GPC6: variants seen among roughly 807,000 people sequenced by gnomAD.
The protein encoded by GPC6 is glypican 6.
GPC6 carries 14 observed loss-of-function variants against 55.2 expected under a neutral mutation model. The ratio of observed to expected loss-of-function variants is 0.25; its 90% CI spans 0.17 to 0.40. The LOEUF is 0.40. Ranked by LOEUF, GPC6 falls within the 10% of genes least tolerant of loss-of-function variation. The pLI is 1.00. For missense variants in GPC6, 641 were observed against 708.5 expected (o/e 0.90, Z 1.08); for synonymous variants, 278 against 259.6 (o/e 1.07, Z -0.68).
intron 4 of GPC6, among the ~76,000 whole-genome samples, chr13:94,095,406 T>C (rs1441533283): frequency 2.6e-5 from 4 of 152,174 alleles, no homozygotes; most frequent in Admixed American, 1.3e-4. Context: ...CATTAAGAAA[T>C]GTAAAAGAAG....
At chr13:93,561,404 G>GAGATATATATATAT (rs968221822) in intron 2 of GPC6, among the ~76,000 whole-genome samples, 3 of 104,666 alleles carry the variant, frequency 2.9e-5, no homozygotes, top group African/African-American at 1.2e-4. Flanking sequence ...TATCCCTATC[G>GAGATATATATATAT]ATATATATAT....
intron 1 of GPC6, among the ~76,000 whole-genome samples, chr13:93,461,698 T>C (rs1459576164): frequency 6.6e-6 from 1 of 152,120 alleles, no homozygotes; most frequent in African/African-American, 2.4e-5. Context: ...TGATTTGCTC[T>C]AAGTCACACT....
intron 2 of GPC6, among the ~76,000 whole-genome samples, chr13:93,759,045 TTTA>T (rs1479262663): frequency 6.6e-6 from 1 of 152,134 alleles, no homozygotes; most frequent in Non-Finnish European, 1.5e-5. Context: ...CTCCTCTGAA[TTTA>T]ACAGGCCCCC....
chr13:94,141,657 T>C (rs916254410), intron 4 of GPC6, among the ~76,000 whole-genome samples: 2 of 152,198 alleles, frequency 1.3e-5, no homozygotes, highest in Non-Finnish European at 2.9e-5. Flanking sequence ...AGTTTACAAA[T>C]ATCTAGTTAA....
At chr13:93,325,428 G>A (rs1009652713) in intron 1 of GPC6, among the ~76,000 whole-genome samples, 55 of 152,150 alleles carry the variant, frequency 3.6e-4, no homozygotes, top group African/African-American at 1.3e-3. Context: ...AATTCAGATG[G>A]TAGCAATGGG....
At chr13:94,213,008 T>A (rs1890124423) in intron 4 of GPC6, among the ~76,000 whole-genome samples, 1 of 151,968 alleles carries the variant, frequency 6.6e-6, no homozygotes, top group South Asian at 2.1e-4. Context: ...ATACAAAAAT[T>A]AGCCGAGCGT....
chr13:94,372,080 CCTTT>C (rs975635606), intron 6 of GPC6, among the ~76,000 whole-genome samples: 3 of 152,094 alleles, frequency 2.0e-5, no homozygotes, highest in Non-Finnish European at 2.9e-5. Flanking sequence ...CTCCTTCCTT[CCTTT>C]CTCTTTTTTC....
chr13:94,081,725 A>G (rs1413083718), intron 4 of GPC6, among the ~76,000 whole-genome samples: 1 of 152,116 alleles, frequency 6.6e-6, no homozygotes, highest in Non-Finnish European at 1.5e-5. Context: ...TATATATTTA[A>G]CTATCTTGCT....
chr13:94,336,774 A>ATT (rs983240909), intron 6 of GPC6, among the ~76,000 whole-genome samples: 20 of 152,304 alleles, frequency 1.3e-4, no homozygotes, highest in Admixed American at 1.0e-3. Context: ...AAATCATTGA[A>ATT]TTTATGTTTA....
intron 2 of GPC6, among the ~76,000 whole-genome samples, chr13:93,714,326 GA>G (rs1016732463): frequency 5.3e-5 from 8 of 151,708 alleles, no homozygotes; most frequent in African/African-American, 1.9e-4. Flanking sequence ...ACAAACCTAT[GA>G]AAAAATGCCC....
chr13:93,902,613 T>A (rs1354998814), intron 3 of GPC6, among the ~76,000 whole-genome samples: 1 of 152,162 alleles, frequency 6.6e-6, no homozygotes, highest in Non-Finnish European at 1.5e-5. Context: ...TGTTTTTAAT[T>A]TTTTGAGGAA....
intron 1 of GPC6, among the ~76,000 whole-genome samples, chr13:93,477,979 C>G (rs1484260015): frequency 6.9e-6 from 1 of 144,788 alleles, no homozygotes; most frequent in African/African-American, 2.5e-5. Context: ...CTTGGATTAT[C>G]TCTTTGCATT....
At chr13:93,661,945 T>C (rs534851330) in intron 2 of GPC6, among the ~76,000 whole-genome samples, 1 of 152,294 alleles carries the variant, frequency 6.6e-6, no homozygotes, top group East Asian at 1.9e-4. Context: ...TATTTTTCAA[T>C]GAGAGTAGCC....
intron 1 of GPC6, among the ~76,000 whole-genome samples, chr13:93,415,172 G>A (rs919125152): frequency 7.2e-5 from 11 of 152,054 alleles, no homozygotes; most frequent in Admixed American, 5.2e-4. Context: ...TGTGTACAGT[G>A]GGGATTATAA....
At chr13:94,266,458 G>A (rs566453657) in intron 4 of GPC6, among the ~76,000 whole-genome samples, 17 of 152,226 alleles carry the variant, frequency 1.1e-4, no homozygotes, top group Non-Finnish European at 1.8e-4. Context: ...GTGAGCCACC[G>A]CGTCCAGCCA....
At chr13:93,232,623 A>G (rs904348768) in intron 1 of GPC6, among the ~76,000 whole-genome samples, 5 of 152,192 alleles carry the variant, frequency 3.3e-5, no homozygotes, top group African/African-American at 1.2e-4. Flanking sequence ...GTGAGTAGAA[A>G]TATAGGCCAC....
chr13:94,158,380 TAAA>T (rs56292041), intron 4 of GPC6, among the ~76,000 whole-genome samples: 1 of 146,808 alleles, frequency 6.8e-6, no homozygotes, highest in African/African-American at 2.5e-5. Context: ...GATGATGCTT[TAAA>T]AAAAAAAAAA....
At chr13:94,228,169 C>A (rs532850267) in intron 4 of GPC6, among the ~76,000 whole-genome samples, 2 of 152,240 alleles carry the variant, frequency 1.3e-5, no homozygotes, top group African/African-American at 4.8e-5. Context: ...AGACAGTTCT[C>A]TTTCTAATGC....
intron 3 of GPC6, among the ~76,000 whole-genome samples, chr13:93,993,511 GT>G (rs1440876607): frequency 6.6e-6 from 1 of 151,746 alleles, no homozygotes; most frequent in Non-Finnish European, 1.5e-5. Context: ...GGCCAAACTG[GT>G]GCCAAACTCC....
Sources: gnomAD v4.1 joint callset for allele counts (sites outside exome capture counted in the v4.1 genomes callset) on GRCh38, gnomAD v4.1.1 for gene constraint, MANE v1.5 for transcripts, NCBI Gene and HGNC (gene_info 2026-07-23, HGNC 2026-07-21) for gene names.